Variants in ATP11C observed in about 807,000 individuals in gnomAD.
ATP11C encodes ATPase phospholipid transporting 11C (ATP11C blood group), also known as phospholipid-transporting ATPase IG.
A neutral mutation model predicts 97.4 loss-of-function variants in ATP11C; 36 were observed. That is an observed-to-expected ratio of 0.37 (90% CI 0.28 to 0.49). The LOEUF (loss-of-function observed/expected upper bound fraction) is 0.49, where lower values mean the gene tolerates loss of function less well. Ranked by LOEUF, ATP11C falls within the 20% of genes least tolerant of loss-of-function variation. The pLI is 0.98. For missense variants in ATP11C, 730 were observed against 824.6 expected (o/e 0.89, Z 1.40); for synonymous variants, 275 against 290.9 (o/e 0.95, Z 0.56).
chrX:139,914,429 T>C (rs749068946), intron 1 of ATP11C, among the ~76,000 whole-genome samples: 50 of 112,702 alleles, frequency 4.4e-4, no homozygotes, highest in Non-Finnish European at 7.3e-4. Flanking sequence ...GATTTGTTCA[T>C]TCATCTTCAC....
chrX:139,906,128 A>G (rs2084970979), intron 1 of ATP11C, among the ~76,000 whole-genome samples: 2 of 111,107 alleles, frequency 1.8e-5, no homozygotes, highest in Non-Finnish European at 3.8e-5. Flanking sequence ...AAGGCTGGGC[A>G]TAGTGGCTCA....
In ATP11C at chrX:139,879,109, A is replaced by AAAAAC. The variant is rs1169346778; in HGVS notation, c.28-52291_28-52287dup. Among the ~76,000 whole-genome samples the AAAAAC allele has an allele frequency of 1.4e-4, 15 of 110,915 alleles. No homozygotes were observed. In the East Asian group the frequency reaches 3.1e-3, roughly 23 times the overall value. ...TGGTAACAGAGCAAGACCTCATGTC[A>AAAAAC]AAAACAAAACAAAACAAAACAGGAG... is the stretch of plus-strand genomic sequence containing the variant. On this transcript the variant is annotated intron_variant, in intron 1 of 29. Transcript: ENST00000682941.
At chrX:139,769,281 C>CATATATATATATATATATAT (rs55984113) in intron 19 of ATP11C, among the ~76,000 whole-genome samples, 18 of 28,074 alleles carry the variant, frequency 6.4e-4, no homozygotes, top group Non-Finnish European at 6.6e-4. Flanking sequence ...GGCAAACATA[C>CATATATATATATATATATAT]ATATATATAT....
chrX:139,878,891 G>A (rs973612539), intron 1 of ATP11C, among the ~76,000 whole-genome samples: 4 of 109,723 alleles, frequency 3.6e-5, no homozygotes, highest in South Asian at 4.0e-4. Flanking sequence ...GGGGAGGGGA[G>A]GGGGAATCAT....
intron 1 of ATP11C, among the ~76,000 whole-genome samples, chrX:139,891,157 C>G (rs2084721694): frequency 1.7e-5 from 1 of 58,778 alleles, no homozygotes; most frequent in African/African-American, 6.9e-5. Flanking sequence ...TCAAGATTTG[C>G]ATAAAGAAAG....
chrX:139,810,867 G>GTT (rs61703129), intron 5 of ATP11C, among the ~76,000 whole-genome samples: 11 of 89,065 alleles, frequency 1.2e-4, no homozygotes, highest in Non-Finnish European at 2.0e-4. Flanking sequence ...TAAATTCAGA[G>GTT]TTTTTTTTTT....
intron 1 of ATP11C, among the ~76,000 whole-genome samples, chrX:139,830,989 T>C (rs1218802270): frequency 9.0e-6 from 1 of 111,395 alleles, no homozygotes; most frequent in Admixed American, 9.5e-5. Flanking sequence ...TTAAAATAAC[T>C]ACAATGTATT....
At chrX:139,881,376 G>A (rs1416430052) in intron 1 of ATP11C, among the ~76,000 whole-genome samples, 2 of 111,186 alleles carry the variant, frequency 1.8e-5, no homozygotes, top group Non-Finnish European at 3.8e-5. Flanking sequence ...AGGAGTATGG[G>A]CTGTATCTCC....
chrX:139,825,163 G>A (rs1460154179), intron 2 of ATP11C, among the ~76,000 whole-genome samples: 1 of 110,616 alleles, frequency 9.0e-6, no homozygotes, highest in Non-Finnish European at 1.9e-5. Context: ...TTGAGTTGTC[G>A]CCCCATGCCA....
At chrX:139,906,953 T>G (rs752172031) in intron 1 of ATP11C, among the ~76,000 whole-genome samples, 1 of 111,397 alleles carries the variant, frequency 9.0e-6, no homozygotes, top group Non-Finnish European at 1.9e-5. Flanking sequence ...CATGCATTCT[T>G]ATAGGCTTCA....
Position 139,774,164 on chromosome X carries a change from C to G in ATP11C, c.2216+526G>C, listed in dbSNP as rs190659575. ...ATTGTTTATCAGTGGCTTTCCCTGA[C>G]ACCTTTATGTTCCACAAGTTCTTCC... On this transcript the variant is annotated intron_variant, in intron 19 of 29. Coordinates refer to ENST00000682941, the MANE Select transcript of ATP11C (RefSeq NM_001353812.2). 1.1e-3 allele frequency among the ~76,000 whole-genome samples: 125 copies of G among 111,876 alleles called. No homozygotes were observed. The East Asian group carries it at 0.021, about 19-fold the overall frequency.
chrX:139,761,305 G>A (rs923017110), intron 22 of ATP11C, among the ~76,000 whole-genome samples: 3 of 111,202 alleles, frequency 2.7e-5, no homozygotes, highest in Non-Finnish European at 5.7e-5. Flanking sequence ...GGTGAATTTT[G>A]TTAAATTATA....
intron 28 of ATP11C, among the ~76,000 whole-genome samples, chrX:139,735,709 G>A (rs914445395): frequency 1.8e-5 from 2 of 110,714 alleles, no homozygotes; most frequent in Admixed American, 9.6e-5. Context: ...AGCCATGGCT[G>A]CCATGTTGCA....
In ATP11C at chrX:139,804,704, G is replaced by A. The variant is rs181362517; in HGVS notation, c.427-105C>T. 322 of 591,207 alleles carry A rather than the reference G, an allele frequency of 5.4e-4. 4 individuals carry two copies. The African/African-American group carries it at 6.3e-3, about 11-fold the overall frequency. 48.7% of individuals were successfully genotyped at this position (591,207 alleles called of 1,213,427 possible). The stretch of plus-strand genomic sequence containing the variant: ...GCAAGAGATTATCTCTAGCTCTGGG[G>A]CTTTGAGAGTATCTCAGCATCCTAC... On this transcript the variant is annotated intron_variant, in intron 5 of 29. Coordinates refer to ENST00000682941, the MANE Select transcript of ATP11C (RefSeq NM_001353812.2).
intron 1 of ATP11C, among the ~76,000 whole-genome samples, chrX:139,880,773 G>T (rs2084548920): frequency 9.0e-6 from 1 of 111,546 alleles, no homozygotes; most frequent in Admixed American, 9.6e-5. Flanking sequence ...ATCTAAAGGA[G>T]AATTATAATA....
chrX:139,853,908 G>A (rs765917639), intron 1 of ATP11C, among the ~76,000 whole-genome samples: 18 of 100,717 alleles, frequency 1.8e-4, no homozygotes, highest in South Asian at 9.5e-4. Context: ...TATTCTGTTA[G>A]AAAAAGATGA....
At chrX:139,773,927 C>T (rs1189590377) in intron 19 of ATP11C, among the ~76,000 whole-genome samples, 3 of 111,788 alleles carry the variant, frequency 2.7e-5, no homozygotes, top group Non-Finnish European at 3.8e-5. Flanking sequence ...CATACAAAGC[C>T]CTTAACACTG....
chrX:139,833,665 G>T (rs972291168), intron 1 of ATP11C, among the ~76,000 whole-genome samples: 2 of 110,980 alleles, frequency 1.8e-5, no homozygotes, highest in Non-Finnish European at 3.8e-5. Flanking sequence ...TCCAGCTTGG[G>T]CAACAGAGTA....
chrX:139,921,153 A>G (rs1299911467), intron 1 of ATP11C, among the ~76,000 whole-genome samples: 1 of 111,752 alleles, frequency 8.9e-6, no homozygotes, highest in East Asian at 2.8e-4. Flanking sequence ...ATGATGATAA[A>G]GAAAAGTGGC....
Sources: allele counts gnomAD v4.1 joint callset (sites outside exome capture counted in the v4.1 genomes callset), GRCh38; gene constraint gnomAD v4.1.1; transcripts MANE v1.5; gene names NCBI Gene and HGNC (gene_info 2026-07-23, HGNC 2026-07-21).